The following CCDC178 variants were observed in gnomAD, a reference collection of about 807,000 sequenced individuals.
The protein encoded by CCDC178 is coiled-coil domain-containing protein 178.
In CCDC178, 126 loss-of-function variants were observed where a neutral mutation model predicts 117.4. The ratio of observed to expected loss-of-function variants is 1.07; its 90% CI spans 0.93 to 1.24. CCDC178 has a LOEUF of 1.24. Among genes scored for constraint, CCDC178 ranks in the 50% most tolerant of loss-of-function variants. The pLI is 0.00. For synonymous variants in CCDC178, 283 were observed against 313.4 expected, an observed-to-expected ratio of 0.90 and a Z score of 1.02; for missense variants, 1,030 against 986.9, an observed-to-expected ratio of 1.04 and a Z score of -0.59.
intron 20 of CCDC178, among the ~76,000 whole-genome samples, chr18:33,178,034 A>G (rs922573191): frequency 2.6e-5 from 4 of 152,008 alleles, no homozygotes; most frequent in Admixed American, 2.0e-4. Context: ...TGATACTTTA[A>G]TAACACCATA....
At chr18:33,438,022 T>C (rs905763442) in intron 2 of CCDC178, among the ~76,000 whole-genome samples, 2 of 152,144 alleles carry the variant, frequency 1.3e-5, no homozygotes, top group African/African-American at 2.4e-5. Flanking sequence ...TTTATGAACA[T>C]TGACTGAAAA....
At chr18:33,163,077 C>T (rs1055107769) in intron 20 of CCDC178, among the ~76,000 whole-genome samples, 2 of 152,242 alleles carry the variant, frequency 1.3e-5, no homozygotes, top group South Asian at 4.1e-4. Context: ...CTTTTCTCCA[C>T]AACCTCGCCA....
intron 12 of CCDC178, among the ~76,000 whole-genome samples, chr18:33,274,296 A>T (rs1174997322): frequency 6.6e-6 from 1 of 151,958 alleles, no homozygotes; most frequent in Non-Finnish European, 1.5e-5. Flanking sequence ...AACCCTTATA[A>T]ATCACTATGG....
chr18:33,398,028 G>A (rs542113468), intron 3 of CCDC178, among the ~76,000 whole-genome samples: 48 of 151,868 alleles, frequency 3.2e-4, no homozygotes, highest in Non-Finnish European at 5.9e-4. Flanking sequence ...AAAAATATGA[G>A]GCCTACTTTA....
At chr18:33,021,429 G>A (rs555696004) in intron 21 of CCDC178, among the ~76,000 whole-genome samples, 1 of 152,252 alleles carries the variant, frequency 6.6e-6, no homozygotes, top group South Asian at 2.1e-4. Flanking sequence ...CAGGCATGGT[G>A]GCTTATGCCT....
chr18:33,249,119 T>A (rs2059586371), intron 14 of CCDC178, among the ~76,000 whole-genome samples: 1 of 152,070 alleles, frequency 6.6e-6, no homozygotes, highest in African/African-American at 2.4e-5. Flanking sequence ...GGGTTCTTTG[T>A]TTTTCTCTTG....
intron 20 of CCDC178, among the ~76,000 whole-genome samples, chr18:33,195,659 A>G (rs2058921770): frequency 6.6e-6 from 1 of 152,166 alleles, no homozygotes; most frequent in African/African-American, 2.4e-5. Context: ...ACTATTGAAC[A>G]GTATCTTGAA....
chr18:33,430,468 A>G (rs1440196116), intron 2 of CCDC178, among the ~76,000 whole-genome samples: 2 of 152,202 alleles, frequency 1.3e-5, no homozygotes, highest in African/African-American at 2.4e-5. Flanking sequence ...GGACCATGTA[A>G]TTGGAATTCT....
At chr18:33,280,421 T>C (rs1481337787) in intron 12 of CCDC178, among the ~76,000 whole-genome samples, 1 of 151,276 alleles carries the variant, frequency 6.6e-6, no homozygotes, top group African/African-American at 2.4e-5. Flanking sequence ...TCACACCAGT[T>C]AGAATGGCAA....
chr18:33,340,135 T>C (rs771719142), intron 9 of CCDC178, among the ~76,000 whole-genome samples: 12 of 152,020 alleles, frequency 7.9e-5, no homozygotes, highest in Non-Finnish European at 1.3e-4. Context: ...CAGGATGAGG[T>C]GGTCTCAGAC....
chr18:33,229,320 T>C (rs1040871523), intron 15 of CCDC178, among the ~76,000 whole-genome samples: 2 of 152,172 alleles, frequency 1.3e-5, no homozygotes, highest in Admixed American at 6.5e-5. Context: ...GGAACAGGAA[T>C]GACCTTAAGC....
At chr18:33,361,674 TATAA>T in intron 6 of CCDC178, among the ~76,000 whole-genome samples, 1 of 151,762 alleles carries the variant, frequency 6.6e-6, no homozygotes, top group Non-Finnish European at 1.5e-5. Context: ...TCAAAAAATA[TATAA>T]ATGGAAAACA....
rs771725640 is a variant in CCDC178 at position 33,333,348 on chromosome 18, A to G, written c.705T>C (p.Leu235=). ...GTTGTAGTTGATTAGCTTTATCTTC[A>G]AGATGCCATTGTAATTCTATAACAT... ...LSDVIELQWH[L]EDKANQLQHF... is the part of the protein sequence containing the mutation. Residue 235 remains leucine (L), a synonymous_variant, in exon 10 of 23, where the codon CTT becomes CTC. Coordinates refer to ENST00000383096, the MANE Select transcript of CCDC178 (RefSeq NM_001105528.4). The G allele has an allele frequency of 3.7e-6, 6 of 1,611,878 alleles. No homozygotes were observed. The highest frequency in any genetic ancestry group is 5.1e-6 in the Non-Finnish European group (6 of 1,179,108).
At chr18:33,169,757 G>T (rs2058575854) in intron 20 of CCDC178, among the ~76,000 whole-genome samples, 1 of 152,130 alleles carries the variant, frequency 6.6e-6, no homozygotes, top group Admixed American at 6.5e-5. Context: ...CTCTGTGCTT[G>T]TAGTATAGGA....
At chr18:33,266,251 T>C (rs1004073655) in intron 14 of CCDC178, among the ~76,000 whole-genome samples, 1 of 151,990 alleles carries the variant, frequency 6.6e-6, no homozygotes, top group Non-Finnish European at 1.5e-5. Context: ...TTGCCCCAGA[T>C]GTGAATAATC....
chr18:32,940,728 A>T (rs1330761799), intron 22 of CCDC178, among the ~76,000 whole-genome samples: 4 of 151,968 alleles, frequency 2.6e-5, no homozygotes, highest in Non-Finnish European at 4.4e-5. Context: ...CTTTGTGACC[A>T]GCAGTTATAT....
At chr18:33,063,062 G>A (rs776582612) in intron 21 of CCDC178, among the ~76,000 whole-genome samples, 2 of 152,160 alleles carry the variant, frequency 1.3e-5, no homozygotes, top group Admixed American at 6.5e-5. Flanking sequence ...CGGCATGGCA[G>A]GCACATCTGC....
chr18:33,378,729 G>A (rs1226573245), intron 5 of CCDC178, among the ~76,000 whole-genome samples: 1 of 152,126 alleles, frequency 6.6e-6, no homozygotes, highest in Non-Finnish European at 1.5e-5. Context: ...CTTATGTGGT[G>A]AATTACTTTA....
intron 10 of CCDC178, among the ~76,000 whole-genome samples, chr18:33,325,328 T>A (rs2062569642): frequency 6.6e-6 from 1 of 152,050 alleles, no homozygotes; most frequent in African/African-American, 2.4e-5. Context: ...ATACCTAGAT[T>A]TTCTGCTGTT....
Sources: gnomAD v4.1 joint callset for allele counts (sites outside exome capture counted in the v4.1 genomes callset) on GRCh38, gnomAD v4.1.1 for gene constraint, MANE v1.5 for transcripts, NCBI Gene and HGNC (gene_info 2026-07-23, HGNC 2026-07-21) for gene names.